Variants in PDE3B observed in about 807,000 individuals in gnomAD.
The protein encoded by PDE3B is cGMP-inhibited 3',5'-cyclic phosphodiesterase 3B.
In PDE3B, 66 loss-of-function variants were observed where a neutral mutation model predicts 116.8. That is an observed-to-expected ratio of 0.56 (90% CI 0.46 to 0.69). The LOEUF is 0.69. Ranked by LOEUF, PDE3B falls within the 30% of genes least tolerant of loss-of-function variation. PDE3B has a pLI of 0.00. For synonymous variants in PDE3B, 595 were observed against 533.6 expected, an observed-to-expected ratio of 1.12 and a Z score of -1.59; for missense variants, 1,384 against 1,368.1, an observed-to-expected ratio of 1.01 and a Z score of -0.18.
At chr11:14,777,312 G>A (rs1857817706) in intron 2 of PDE3B, among the ~76,000 whole-genome samples, 1 of 152,040 alleles carries the variant, frequency 6.6e-6, no homozygotes, top group Non-Finnish European at 1.5e-5. Flanking sequence ...GGAGAAAGGG[G>A]GTGGCATTGA....
At chr11:14,783,817 T>A (rs1858108449) in intron 2 of PDE3B, among the ~76,000 whole-genome samples, 1 of 151,866 alleles carries the variant, frequency 6.6e-6, no homozygotes, top group African/African-American at 2.4e-5. Context: ...AACAAAAGAA[T>A]CTGTCAGTAA....
intron 1 of PDE3B, among the ~76,000 whole-genome samples, chr11:14,695,878 CATGTGT>C (rs1436488223): frequency 3.3e-5 from 5 of 152,114 alleles, no homozygotes; most frequent in Admixed American, 6.6e-5. Context: ...ACTATTCCAT[CATGTGT>C]ATGCACCATT....
intron 1 of PDE3B, among the ~76,000 whole-genome samples, chr11:14,688,597 A>G (rs1450090456): frequency 2.6e-5 from 4 of 152,062 alleles, no homozygotes; most frequent in African/African-American, 9.7e-5. Flanking sequence ...TTAGTCTTGT[A>G]TTTATTTTAT....
intron 1 of PDE3B, among the ~76,000 whole-genome samples, chr11:14,704,219 A>G (rs554505271): frequency 8.6e-4 from 131 of 151,906 alleles, no homozygotes; most frequent in African/African-American, 3.2e-3. Flanking sequence ...TTAAAATATT[A>G]AACCAGCATG....
intron 1 of PDE3B, among the ~76,000 whole-genome samples, chr11:14,714,666 G>A (rs751880209): frequency 2.7e-4 from 41 of 152,216 alleles, no homozygotes; most frequent in South Asian, 6.2e-4. Context: ...TGGAATGGCA[G>A]TACTGTTTAG....
intron 1 of PDE3B, among the ~76,000 whole-genome samples, chr11:14,763,387 C>G (rs1447179964): frequency 2.0e-5 from 3 of 151,894 alleles, no homozygotes; most frequent in Admixed American, 6.6e-5. Flanking sequence ...GTCAACTTAC[C>G]AGAGAATGAA....
chr11:14,781,822 C>A (rs534514451), intron 2 of PDE3B, among the ~76,000 whole-genome samples: 2 of 152,186 alleles, frequency 1.3e-5, no homozygotes, highest in South Asian at 4.1e-4. Flanking sequence ...GGCAGTCAGG[C>A]AGGAGAAAGA....
At chr11:14,800,263 G>A (rs1254117032) in intron 4 of PDE3B, among the ~76,000 whole-genome samples, 1 of 152,130 alleles carries the variant, frequency 6.6e-6, no homozygotes, top group African/African-American at 2.4e-5. Context: ...TCAGGAGTTC[G>A]ATTCCAGCCT....
At chr11:14,885,877 A>C in the PDE3B span, 1 of 1,613,698 alleles carries the variant, frequency 6.2e-7, no homozygotes, top group Middle Eastern at 1.7e-4. Flanking sequence ...ATAGCCATTT[A>C]GAACCACAGT....
At chr11:14,650,818 A>G (rs1274723104) in intron 1 of PDE3B, among the ~76,000 whole-genome samples, 1 of 152,094 alleles carries the variant, frequency 6.6e-6, no homozygotes, top group Non-Finnish European at 1.5e-5. Context: ...GGCAGCCTCT[A>G]AGAAGATGAA....
At chr11:14,875,685 A>C (rs113790220), downstream of PDE3B, among the ~76,000 whole-genome samples, 742 of 152,352 alleles carry the variant, frequency 4.9e-3, 7 homozygotes, top group African/African-American at 0.017. Flanking sequence ...AATGAAAAAC[A>C]GCCTTATAAA....
chr11:14,653,326 A>G (rs1314320391), intron 1 of PDE3B, among the ~76,000 whole-genome samples: 5 of 152,246 alleles, frequency 3.3e-5, no homozygotes, highest in African/African-American at 7.2e-5. Context: ...CAAGGCCTCA[A>G]ATAATTCCTA....
intron 1 of PDE3B, among the ~76,000 whole-genome samples, chr11:14,653,582 A>T (rs2133750987): frequency 6.6e-6 from 1 of 152,098 alleles, no homozygotes; most frequent in South Asian, 2.1e-4. Flanking sequence ...AACCAAAAAA[A>T]CCAACAAAAA....
chr11:14,807,587 A>G (rs1858981054), intron 5 of PDE3B, among the ~76,000 whole-genome samples: 1 of 152,170 alleles, frequency 6.6e-6, no homozygotes, highest in African/African-American at 2.4e-5. Context: ...AAAAGCAAAA[A>G]CAGAAGAAAC....
chr11:14,733,022 C>T (rs894832626), intron 1 of PDE3B, among the ~76,000 whole-genome samples: 3 of 152,098 alleles, frequency 2.0e-5, no homozygotes, highest in Non-Finnish European at 2.9e-5. Flanking sequence ...TACTTAAAAA[C>T]GTATATGAAA....
At position 14,644,375 on chromosome 11, in the gene PDE3B, C is replaced by G. The variant is rs751631361; in HGVS notation, c.300C>G (p.Ser100Arg). 1.9e-6 allele frequency: 3 copies of G among 1,599,672 alleles called. No homozygotes were observed. Among genetic ancestry groups the G allele is most frequent in the African/African-American group, 2.7e-5 (2 of 74,112 alleles). Reference protein sequence around the residue: ...LALLLGAEPESWAAGAAWLRT... With the variant: ...LALLLGAEPERWAAGAAWLRT... ...TGCTGCTGGGCGCGGAACCCGAGAG[C>G]TGGGCTGCCGGGGCCGCCTGGCTGC... The change falls in exon 1 of 16, where the codon AGC becomes AGG. Residue 100 changes from serine to arginine, a missense_variant. By Grantham distance (110) the Ser-to-Arg change is moderately radical (BLOSUM62 -1). Around this residue, in one of 2 missense-constraint regions of PDE3B, gnomAD observed 956 missense variants for 806.8 expected, o/e 1.18. Coordinates refer to ENST00000282096, the MANE Select transcript of PDE3B (RefSeq NM_000922.4).
At chr11:14,848,517 G>A (rs1360560156) in intron 12 of PDE3B, among the ~76,000 whole-genome samples, 1 of 151,932 alleles carries the variant, frequency 6.6e-6, no homozygotes, top group Admixed American at 6.6e-5. Flanking sequence ...GGAAATAAAG[G>A]GCATTCAATT....
chr11:14,727,269 G>A (rs1480033204), intron 1 of PDE3B, among the ~76,000 whole-genome samples: 14 of 152,038 alleles, frequency 9.2e-5, no homozygotes, highest in Admixed American at 8.5e-4. Flanking sequence ...ATACTAACAT[G>A]TATTGATATT....
At chr11:14,704,046 A>G (rs1373499163) in intron 1 of PDE3B, among the ~76,000 whole-genome samples, 1 of 151,620 alleles carries the variant, frequency 6.6e-6, no homozygotes, top group Non-Finnish European at 1.5e-5. Flanking sequence ...ATGTGGCTTG[A>G]TATGTGGCCT....
Sources: allele counts gnomAD v4.1 joint callset (sites outside exome capture counted in the v4.1 genomes callset), GRCh38; gene constraint gnomAD v4.1.1; regional missense constraint gnomAD v4.1.1; transcripts MANE v1.5; gene names NCBI Gene and HGNC (gene_info 2026-07-23, HGNC 2026-07-21).